Variants in RANBP2 observed in about 807,000 individuals in gnomAD.
RANBP2 encodes the protein RAN binding protein 2, also known as E3 SUMO-protein ligase RanBP2.
In RANBP2, 57 loss-of-function variants were observed where a neutral mutation model predicts 303.6. The ratio of observed to expected loss-of-function variants is 0.19; its 90% CI spans 0.15 to 0.23. The LOEUF (loss-of-function observed/expected upper bound fraction) is 0.23. RANBP2 is among the 10% of genes least tolerant of loss of function. The pLI is 1.00. For synonymous variants in RANBP2, 1,167 were observed against 1,301.5 expected (o/e 0.90, Z 2.23); for missense variants, 3,138 against 3,780.8 (o/e 0.83, Z 4.46).
At chr2:109,483,795 C>T in the RANBP2 span, among the ~76,000 whole-genome samples, 6 of 152,148 alleles carry the variant, frequency 3.9e-5, no homozygotes, top group South Asian at 2.1e-4. Context: ...AGGCTGCAGG[C>T]GCTGGGGTTG....
chr2:109,523,513 G>C, the RANBP2 span, among the ~76,000 whole-genome samples: 3 of 152,172 alleles, frequency 2.0e-5, no homozygotes, highest in Non-Finnish European at 4.4e-5. Flanking sequence ...TACACACGCT[G>C]TTCCATTGAT....
At chr2:109,332,706 C>T in the RANBP2 span, among the ~76,000 whole-genome samples, 147 of 152,250 alleles carry the variant, frequency 9.7e-4, no homozygotes, top group Non-Finnish European at 1.8e-3. Flanking sequence ...TGATTCCTGC[C>T]GAGCTTCCTA....
chr2:109,411,162 C>T, the RANBP2 span, among the ~76,000 whole-genome samples: 2 of 152,228 alleles, frequency 1.3e-5, no homozygotes, highest in African/African-American at 4.8e-5. Context: ...CAGTCAGCAA[C>T]TCTCAACCTC....
At chr2:109,355,274 A>G in the RANBP2 span, among the ~76,000 whole-genome samples, 1 of 152,192 alleles carries the variant, frequency 6.6e-6, no homozygotes, top group African/African-American at 2.4e-5. Context: ...TTCATTCATA[A>G]AATTCTTGAA....
chr2:109,291,303 A>G, the RANBP2 span, among the ~76,000 whole-genome samples: 2 of 137,808 alleles, frequency 1.5e-5, no homozygotes, highest in African/African-American at 2.7e-5. Flanking sequence ...TTTTTGCATT[A>G]TGCTTGAAGG....
the RANBP2 span, among the ~76,000 whole-genome samples, chr2:109,041,278 C>A: frequency 6.6e-6 from 1 of 152,042 alleles, no homozygotes; most frequent in Admixed American, 6.6e-5. Flanking sequence ...GTAGTTTCTT[C>A]CCCCTGCTCT....
At chr2:109,146,585 C>T in the RANBP2 span, among the ~76,000 whole-genome samples, 1 of 152,134 alleles carries the variant, frequency 6.6e-6, no homozygotes, top group Non-Finnish European at 1.5e-5. Flanking sequence ...CTCCCCAGCA[C>T]CACCTTCAGG....
At chr2:109,543,935 A>G in the RANBP2 span, 2 of 549,206 alleles carry the variant, frequency 3.6e-6, no homozygotes, top group Non-Finnish European at 6.4e-6. Flanking sequence ...TTATACATAT[A>G]GCCTGAAAGT....
At chr2:109,088,269 C>T in the RANBP2 span, among the ~76,000 whole-genome samples, 15 of 151,522 alleles carry the variant, frequency 9.9e-5, no homozygotes, top group East Asian at 9.9e-4. Flanking sequence ...TGGTGGCGCG[C>T]GCCTGTAGTT....
chr2:109,475,051 C>T, the RANBP2 span, among the ~76,000 whole-genome samples: 2 of 152,164 alleles, frequency 1.3e-5, no homozygotes, highest in Non-Finnish European at 2.9e-5. Context: ...GATCTCTGCT[C>T]ACTGCAACCT....
the RANBP2 span, among the ~76,000 whole-genome samples, chr2:109,695,170 G>T: frequency 4.0e-5 from 6 of 149,292 alleles, no homozygotes; most frequent in South Asian, 2.1e-4. Context: ...TCTTTGCAAA[G>T]AATTTTTTTT....
chr2:108,758,872 GAACC>G (rs1676520751), intron 18 of RANBP2, among the ~76,000 whole-genome samples: 1 of 151,692 alleles, frequency 6.6e-6, no homozygotes, highest in Non-Finnish European at 1.5e-5. Context: ...GCTTAATTAA[GAACC>G]TACACCTCTG....
intron 23 of RANBP2, among the ~76,000 whole-genome samples, chr2:108,773,610 A>G (rs1677662414): frequency 6.6e-6 from 1 of 152,046 alleles, no homozygotes; most frequent in Non-Finnish European, 1.5e-5. Context: ...ATTGATCTAT[A>G]GATTTAACAC....
At chr2:108,866,622 T>C in the RANBP2 span, among the ~76,000 whole-genome samples, 79 of 152,310 alleles carry the variant, frequency 5.2e-4, no homozygotes, top group African/African-American at 1.8e-3. Flanking sequence ...TGGTGGCTCA[T>C]GCCTGTAATC....
At chr2:109,613,668 G>C in the RANBP2 span, 2 of 594,912 alleles carry the variant, frequency 3.4e-6, no homozygotes, top group Admixed American at 9.4e-5. Context: ...GGGGAGCACT[G>C]GGCGGGCGGG....
the RANBP2 span, among the ~76,000 whole-genome samples, chr2:109,281,992 G>A: frequency 2.6e-5 from 4 of 152,084 alleles, no homozygotes; most frequent in East Asian, 1.9e-4. Context: ...CCAGGCTTTC[G>A]GGATGCTCCA....
chr2:109,678,757 G>A, the RANBP2 span, among the ~76,000 whole-genome samples: 4 of 152,068 alleles, frequency 2.6e-5, no homozygotes, highest in Non-Finnish European at 5.9e-5. Flanking sequence ...GAGAAGGTTC[G>A]CAGGCGGTGG....
At chr2:108,865,155 TA>T in the RANBP2 span, among the ~76,000 whole-genome samples, 5 of 152,206 alleles carry the variant, frequency 3.3e-5, no homozygotes, top group African/African-American at 1.2e-4. Context: ...TATATAGATA[TA>T]TATTATGATC....
chr2:109,484,138 G>GGC, the RANBP2 span, among the ~76,000 whole-genome samples: 1 of 145,112 alleles, frequency 6.9e-6, no homozygotes, highest in Non-Finnish European at 1.5e-5. Context: ...GCGTGATCTT[G>GGC]TCACTGCAAC....
Sources: allele counts gnomAD v4.1 joint callset (sites outside exome capture counted in the v4.1 genomes callset), GRCh38; gene constraint gnomAD v4.1.1; transcripts MANE v1.5; gene names NCBI Gene and HGNC (gene_info 2026-07-23, HGNC 2026-07-21).